The following ZPBP variants were observed in gnomAD, a reference collection of about 807,000 sequenced individuals.
ZPBP encodes zona pellucida-binding protein 1.
A neutral mutation model predicts 44.8 loss-of-function variants in ZPBP; 26 were observed. The ratio of observed to expected loss-of-function variants is 0.58; its 90% CI spans 0.43 to 0.81. The LOEUF is 0.81. Among genes scored for constraint, ZPBP ranks in the 30% least tolerant of loss-of-function variants. The pLI is 0.00. For missense variants in ZPBP, 409 were observed against 434.0 expected, an observed-to-expected ratio of 0.94 and a Z score of 0.51; for synonymous variants, 174 against 153.2, an observed-to-expected ratio of 1.14 and a Z score of -1.00.
chr7:50,085,467 G>A (rs1378289648), intron 2 of ZPBP, among the ~76,000 whole-genome samples: 1 of 151,990 alleles, frequency 6.6e-6, no homozygotes, highest in Non-Finnish European at 1.5e-5. Flanking sequence ...CTGCAATAAG[G>A]AGCCATGACA....
chr7:50,080,879 C>T (rs1290148211), intron 3 of ZPBP, among the ~76,000 whole-genome samples: 1 of 151,640 alleles, frequency 6.6e-6, no homozygotes, highest in Non-Finnish European at 1.5e-5. Flanking sequence ...TTCTATCCCC[C>T]ATAAAACCTA....
chr7:50,001,584 A>G (rs1376751155), intron 6 of ZPBP, among the ~76,000 whole-genome samples: 2 of 152,192 alleles, frequency 1.3e-5, no homozygotes, highest in Non-Finnish European at 2.9e-5. Context: ...TGATAAAAAC[A>G]AAAAACAGAC....
At chr7:49,965,672 T>C (rs1796029179) in intron 7 of ZPBP, among the ~76,000 whole-genome samples, 1 of 152,034 alleles carries the variant, frequency 6.6e-6, no homozygotes, top group Admixed American at 6.6e-5. Context: ...TTAATAAGCA[T>C]AATAATAGTG....
At chr7:50,052,581 C>T (rs1800747716) in intron 4 of ZPBP, among the ~76,000 whole-genome samples, 1 of 152,124 alleles carries the variant, frequency 6.6e-6, no homozygotes, top group African/African-American at 2.4e-5. Context: ...ATCATATGAT[C>T]AACCAACTGC....
chr7:49,925,511 T>C (rs1483747532), intron 1 of ZPBP, among the ~76,000 whole-genome samples: 3 of 152,234 alleles, frequency 2.0e-5, no homozygotes, highest in African/African-American at 7.2e-5. Context: ...TCCCTCCATA[T>C]GTCTATGTGG....
chr7:49,900,106 ATATTTTAAACTAAATAAAAATTTAGTT>A (rs1460326521), intron 2 of ZPBP, among the ~76,000 whole-genome samples: 22 of 151,890 alleles, frequency 1.4e-4, no homozygotes, highest in South Asian at 4.2e-4. Context: ...AAGTTTAAAA[ATATTTTAAACTAAATAAAAATTTAGTT>A]TATTTTAAAC....
At chr7:50,031,049 A>C in intron 5 of ZPBP, 43 bp downstream of exon 5, 1 of 1,548,152 alleles carries the variant, frequency 6.5e-7, no homozygotes, top group Non-Finnish European at 8.9e-7. Context: ...ACTATTAGTT[A>C]TGTGTTCTCC....
intron 2 of ZPBP, among the ~76,000 whole-genome samples, chr7:49,852,258 G>A (rs1217980542): frequency 1.3e-5 from 2 of 152,202 alleles, no homozygotes; most frequent in Admixed American, 6.5e-5. Flanking sequence ...GAGTGACCCT[G>A]GAGCATCAGG....
chr7:49,907,063 G>A (rs997069418), intron 1 of ZPBP, among the ~76,000 whole-genome samples: 1 of 152,162 alleles, frequency 6.6e-6, no homozygotes, highest in Non-Finnish European at 1.5e-5. Context: ...AACAAGTACT[G>A]GGTCTGTGTA....
chr7:50,063,903 C>G (rs1801375270), intron 3 of ZPBP, among the ~76,000 whole-genome samples: 1 of 152,216 alleles, frequency 6.6e-6, no homozygotes, highest in Non-Finnish European at 1.5e-5. Context: ...CCTTATGATG[C>G]AGTTGAACAC....
chr7:50,016,514 T>A (rs528548482), intron 6 of ZPBP, among the ~76,000 whole-genome samples: 1 of 151,710 alleles, frequency 6.6e-6, no homozygotes, highest in East Asian at 1.9e-4. Flanking sequence ...AATTTACCCA[T>A]GTAACAAACC....
chr7:50,076,590 C>A (rs901475106), intron 3 of ZPBP, among the ~76,000 whole-genome samples: 3 of 151,828 alleles, frequency 2.0e-5, no homozygotes, highest in Middle Eastern at 6.8e-3. Flanking sequence ...AAATCAGTAG[C>A]ATTTCTATAT....
At position 50,093,229 on chromosome 7, in the gene ZPBP, G is replaced by C; in HGVS notation, c.-35C>G. The C allele has an allele frequency of 1.0e-5, 15 of 1,499,552 alleles. No individual in the cohort carries two copies. Among genetic ancestry groups the C allele is most frequent in the Non-Finnish European group, 1.3e-5 (15 of 1,128,582 alleles). 92.9% of individuals were successfully genotyped at this position (1,499,552 alleles called of 1,614,324 possible). A position where few individuals can be genotyped will look rare whatever the true frequency, so the allele number is the denominator to read the frequency against. On this transcript the variant is annotated 5_prime_UTR_variant, in exon 1 of 8. Coordinates refer to ENST00000046087, the MANE Select transcript of ZPBP (RefSeq NM_007009.3). Reference sequence around the variant, plus strand: ...GCCGTCGCCTGCCCACCGTCCGCGCGGAAGGTCGTTAGGCAACGCGCGCCC... The same window carrying C: ...GCCGTCGCCTGCCCACCGTCCGCGCCGAAGGTCGTTAGGCAACGCGCGCCC...
rs116145766 is a variant in ZPBP, at chr7:50,069,899, G to A, written c.335-11758C>T. Among the ~76,000 whole-genome samples the A allele has an allele frequency of 1.2e-3, 190 of 152,040 alleles. 2 individuals carry two copies. The highest frequency in any genetic ancestry group is 4.3e-3 in the African/African-American group (179 of 41,470). On this transcript the variant is annotated intron_variant, in intron 3 of 7. Coordinates refer to ENST00000046087, the MANE Select transcript of ZPBP (RefSeq NM_007009.3). ...CCTCAGTCTGATTTCCCCAACACTC[G>A]CCTTGGAGCACACAGACCATGCTAG...
the ZPBP span, among the ~76,000 whole-genome samples, chr7:49,841,441 G>T: frequency 6.6e-6 from 1 of 152,264 alleles, no homozygotes; most frequent in Non-Finnish European, 1.5e-5. Context: ...GGAATTTAAG[G>T]TAGGGATTCA....
intron 2 of ZPBP, among the ~76,000 whole-genome samples, chr7:49,884,805 G>GA (rs1791824741): frequency 6.6e-6 from 1 of 151,604 alleles, no homozygotes; most frequent in African/African-American, 2.4e-5. Context: ...CCAAAGGAGA[G>GA]AAAAACAAAA....
At chr7:50,050,605 C>A (rs1800638610) in intron 4 of ZPBP, among the ~76,000 whole-genome samples, 2 of 151,702 alleles carry the variant, frequency 1.3e-5, no homozygotes. Flanking sequence ...ACACTTTACA[C>A]AAAAATTAAC....
intron 1 of ZPBP, among the ~76,000 whole-genome samples, chr7:49,927,956 C>T (rs927505690): frequency 3.3e-5 from 5 of 152,132 alleles, no homozygotes; most frequent in African/African-American, 1.2e-4. Flanking sequence ...CACAGCATTG[C>T]CCCTCTCATG....
At chr7:49,927,972 C>T (rs1201488909) in intron 1 of ZPBP, among the ~76,000 whole-genome samples, 1 of 152,202 alleles carries the variant, frequency 6.6e-6, no homozygotes, top group Non-Finnish European at 1.5e-5. Context: ...TCATGATGAA[C>T]TTGATCCAAT....
Sources: allele counts gnomAD v4.1 joint callset (sites outside exome capture counted in the v4.1 genomes callset), GRCh38; gene constraint gnomAD v4.1.1; transcripts MANE v1.5; gene names NCBI Gene and HGNC (gene_info 2026-07-23, HGNC 2026-07-21).